Variants in IPO11 observed in about 807,000 individuals in gnomAD.
The protein encoded by IPO11 is importin-11.
IPO11 carries 66 observed loss-of-function variants against 143.2 expected under a neutral mutation model. The ratio of observed to expected loss-of-function variants is 0.46; its 90% CI spans 0.38 to 0.57. The LOEUF is 0.57. IPO11 is among the 20% of genes least tolerant of loss of function. The pLI, the probability that IPO11 is intolerant of heterozygous loss-of-function variation, is 0.00. For synonymous variants in IPO11, 385 were observed against 377.8 expected, an observed-to-expected ratio of 1.02 and a Z score of -0.22; for missense variants, 1,026 against 1,141.0, an observed-to-expected ratio of 0.90 and a Z score of 1.45.
At chr5:62,546,959 T>C (rs1028926203) in intron 24 of IPO11, among the ~76,000 whole-genome samples, 3 of 152,168 alleles carry the variant, frequency 2.0e-5, no homozygotes, top group African/African-American at 7.2e-5. Context: ...GATGTATATC[T>C]GTTTTATATT....
chr5:62,575,440 A>C (rs898778611), intron 27 of IPO11, among the ~76,000 whole-genome samples: 1 of 152,076 alleles, frequency 6.6e-6, no homozygotes, highest in Non-Finnish European at 1.5e-5. Context: ...GTGTTTTTGT[A>C]GTCTCTTTTA....
At chr5:62,569,999 G>T (rs1744081285) in intron 27 of IPO11, among the ~76,000 whole-genome samples, 1 of 151,930 alleles carries the variant, frequency 6.6e-6, no homozygotes, top group Non-Finnish European at 1.5e-5. Context: ...TGTATCTTTT[G>T]GCTCTTGTGA....
At chr5:62,574,366 A>C (rs1203733519) in intron 27 of IPO11, among the ~76,000 whole-genome samples, 1 of 152,176 alleles carries the variant, frequency 6.6e-6, no homozygotes, top group African/African-American at 2.4e-5. Context: ...ACTATGGTAA[A>C]CTGGAAATTG....
chr5:62,526,317 T>C, intron 21 of IPO11, 60 bp downstream of exon 21: 3 of 1,207,686 alleles, frequency 2.5e-6, no homozygotes, highest in East Asian at 2.4e-5. Context: ...CCTACTCTCA[T>C]GCCAGTAAAG....
chr5:62,460,181 C>T (rs1580204571), intron 5 of IPO11, among the ~76,000 whole-genome samples: 1 of 152,210 alleles, frequency 6.6e-6, no homozygotes, highest in East Asian at 1.9e-4. Context: ...TCATTTAATA[C>T]TTTTATCCAG....
At position 62,603,479 on chromosome 5, in the gene IPO11, A is replaced by AT. The variant is rs201499134; in HGVS notation, c.2763+1636dup. Among the ~76,000 whole-genome samples, 566 of 152,232 alleles carry AT rather than the reference A, an allele frequency of 3.7e-3. 5 individuals carry two copies. Among genetic ancestry groups the AT allele is most frequent in the African/African-American group, 0.013 (540 of 41,538 alleles). On this transcript the variant is annotated intron_variant, in intron 29 of 29. Coordinates refer to ENST00000325324, the MANE Select transcript of IPO11 (RefSeq NM_016338.5). ...ATAATTTGTATTCATTCATTCTTTC[A>AT]TTTTTGCAACCCACTTATTCTGCTT...
intron 27 of IPO11, among the ~76,000 whole-genome samples, chr5:62,564,779 A>G (rs561574974): frequency 1.3e-5 from 2 of 152,182 alleles, no homozygotes; most frequent in Non-Finnish European, 2.9e-5. Context: ...ACTCTAAAGA[A>G]TGACCATTTG....
At chr5:62,511,656 C>T (rs1439197854) in intron 19 of IPO11, among the ~76,000 whole-genome samples, 2 of 152,176 alleles carry the variant, frequency 1.3e-5, no homozygotes, top group African/African-American at 4.8e-5. Flanking sequence ...GAAACTCACC[C>T]TTTCTGGGAA....
At position 62,474,452 on chromosome 5, in the gene IPO11, T is replaced by C; in HGVS notation, c.745T>C (p.Phe249Leu). 6.3e-7 allele frequency: 1 copy of C among 1,578,110 alleles called. No individual in the cohort carries two copies. The highest frequency in any genetic ancestry group is 8.6e-7 in the Non-Finnish European group (1 of 1,165,884). ...TGGAATATTTGAACGTCTAAAACAGTTTCTGGAATGCAGTAAGTACTTTCG... is the reference window on the plus strand; with the variant it reads ...TGGAATATTTGAACGTCTAAAACAGCTTCTGGAATGCAGTAAGTACTTTCG... ...LHGIFERLKQ[F>L]LECSRSIGTD... Residue 249 changes from phenylalanine to leucine, a missense_variant, in exon 8 of 30, where the codon TTT (phenylalanine) becomes CTT (leucine). By Grantham distance (22) the Phe-to-Leu change is conservative. Transcript: ENST00000325324.
chr5:62,445,614 G>A (rs978045001), intron 3 of IPO11, among the ~76,000 whole-genome samples: 1 of 151,828 alleles, frequency 6.6e-6, no homozygotes, highest in Non-Finnish European at 1.5e-5. Context: ...TTCATTTTCA[G>A]TACAGTGTTC....
intron 21 of IPO11, among the ~76,000 whole-genome samples, chr5:62,528,193 T>A (rs1009144488): frequency 9.9e-5 from 15 of 152,158 alleles, no homozygotes; most frequent in African/African-American, 3.6e-4. Flanking sequence ...ACTTATATAG[T>A]AGGAAAACCA....
chr5:62,578,551 A>C (rs1354308940), intron 27 of IPO11, among the ~76,000 whole-genome samples: 8 of 152,092 alleles, frequency 5.3e-5, no homozygotes, highest in Non-Finnish European at 1.2e-4. Context: ...AATGTTTTCA[A>C]GTATCCTTTA....
chr5:62,620,375 C>T (rs1256931261), intron 29 of IPO11, among the ~76,000 whole-genome samples: 3 of 151,940 alleles, frequency 2.0e-5, no homozygotes, highest in African/African-American at 4.8e-5. Flanking sequence ...AAAAGTTAGC[C>T]GGGTGTGGTG....
At chr5:62,514,609 A>AGGGAGAC (rs1270734877) in intron 19 of IPO11, among the ~76,000 whole-genome samples, 4,099 of 114,586 alleles carry the variant, frequency 0.036, 208 homozygotes, top group African/African-American at 0.14. Flanking sequence ...GAGACGGGAG[A>AGGGAGAC]GGGAGAGGGA....
chr5:62,516,518 T>C (rs987120395), intron 20 of IPO11, among the ~76,000 whole-genome samples: 3 of 152,046 alleles, frequency 2.0e-5, no homozygotes, highest in African/African-American at 4.8e-5. Context: ...GGTCTCAAAC[T>C]CCTGACCTCA....
At chr5:62,597,549 G>A (rs1347982995) in intron 28 of IPO11, among the ~76,000 whole-genome samples, 4 of 152,194 alleles carry the variant, frequency 2.6e-5, no homozygotes, top group African/African-American at 7.2e-5. Flanking sequence ...TTGGACACAT[G>A]TTCAACAGTT....
chr5:62,594,150 G>C (rs1745131642), intron 28 of IPO11, among the ~76,000 whole-genome samples: 1 of 152,138 alleles, frequency 6.6e-6, no homozygotes, highest in Non-Finnish European at 1.5e-5. Flanking sequence ...TAGTGTACTA[G>C]GGTTCTCCAG....
intron 27 of IPO11, among the ~76,000 whole-genome samples, chr5:62,582,349 G>A (rs1368930128): frequency 6.6e-6 from 1 of 152,200 alleles, no homozygotes; most frequent in Admixed American, 6.5e-5. Context: ...TGGTTGAGGC[G>A]TGGCAGGGGA....
chr5:62,530,648 C>G (rs1030183030), intron 21 of IPO11, 61 bp from the exon 22 acceptor site: 3 of 971,508 alleles, frequency 3.1e-6, no homozygotes, highest in Non-Finnish European at 4.9e-6. Flanking sequence ...ATATTTAAGT[C>G]ATATGTTAAT....
Sources: allele counts gnomAD v4.1 joint callset (sites outside exome capture counted in the v4.1 genomes callset), GRCh38; gene constraint gnomAD v4.1.1; transcripts MANE v1.5; gene names NCBI Gene and HGNC (gene_info 2026-07-23, HGNC 2026-07-21).